Variants in FAAH2 observed in about 807,000 individuals in gnomAD.
FAAH2 encodes the protein fatty-acid amide hydrolase 2.
FAAH2 carries 60 observed loss-of-function variants against 36.9 expected under a neutral mutation model. The ratio of observed to expected loss-of-function variants is 1.63; its 90% confidence interval spans 1.32 to 2.02. FAAH2 has a LOEUF of 2.02. FAAH2 is among the 30% of genes most tolerant of loss of function. The pLI, the probability that FAAH2 is intolerant of heterozygous loss-of-function variation, is 0.00. For missense variants in FAAH2, 689 were observed against 397.5 expected, an observed-to-expected ratio of 1.73 and a Z score of -6.23; for synonymous variants, 214 against 143.8, an observed-to-expected ratio of 1.49 and a Z score of -3.49.
the FAAH2 span, among the ~76,000 whole-genome samples, chrX:57,192,917 A>T: frequency 9.0e-6 from 1 of 111,529 alleles, no homozygotes; most frequent in African/African-American, 3.3e-5. Flanking sequence ...GCTGAGGAGG[A>T]TGTATGTCAC....
intron 8 of FAAH2, among the ~76,000 whole-genome samples, chrX:57,443,684 G>T (rs2056612533): frequency 8.9e-6 from 1 of 111,911 alleles, no homozygotes; most frequent in Non-Finnish European, 1.9e-5. Flanking sequence ...GAGGAGAAGA[G>T]GTGCTCTGAT....
intron 5 of FAAH2, among the ~76,000 whole-genome samples, chrX:57,355,590 AT>A (rs1307569262): frequency 9.1e-6 from 1 of 109,850 alleles, no homozygotes; most frequent in African/African-American, 3.3e-5. Flanking sequence ...TCATTTTCAG[AT>A]TGTTCATTAT....
chrX:57,355,124 C>T (rs768706581), intron 5 of FAAH2, among the ~76,000 whole-genome samples: 49 of 110,762 alleles, frequency 4.4e-4, no homozygotes, highest in Non-Finnish European at 4.2e-4. Context: ...TTTTAAATAA[C>T]CTCCAGAGTC....
intron 7 of FAAH2, among the ~76,000 whole-genome samples, chrX:57,419,709 G>A (rs1286357368): frequency 1.8e-5 from 2 of 111,834 alleles, no homozygotes; most frequent in African/African-American, 6.5e-5. Context: ...CTGTGCAGAA[G>A]CTCTTGAGTT....
At chrX:57,450,729 C>A (rs1023860929) in intron 10 of FAAH2, among the ~76,000 whole-genome samples, 5 of 110,825 alleles carry the variant, frequency 4.5e-5, no homozygotes, top group African/African-American at 1.6e-4. Flanking sequence ...AATTTTTGAG[C>A]CTTGGCTTTC....
chrX:57,419,413 A>G (rs1285246451), intron 7 of FAAH2, among the ~76,000 whole-genome samples: 3 of 111,519 alleles, frequency 2.7e-5, no homozygotes, highest in East Asian at 5.7e-4. Flanking sequence ...TGCCATTCTA[A>G]GTGGTGTGAG....
chrX:57,328,373 G>T (rs2053288019), intron 3 of FAAH2, among the ~76,000 whole-genome samples: 1 of 111,446 alleles, frequency 9.0e-6, no homozygotes, highest in African/African-American at 3.3e-5. Context: ...ATTTTTTCAT[G>T]AAATTTTTAT....
In FAAH2 at chrX:57,489,054, C is replaced by T. The variant is rs1474574294; in HGVS notation, c.*122C>T. 2 of 703,686 alleles carry T rather than the reference C, an allele frequency of 2.8e-6. No individual in the cohort carries two copies. Among genetic ancestry groups the T allele is most frequent in the Non-Finnish European group, 4.0e-6 (2 of 500,214 alleles). 58.0% of individuals were successfully genotyped at this position (703,686 alleles called of 1,213,427 possible). On this transcript the variant is annotated 3_prime_UTR_variant, in exon 11 of 11. Transcript: ENST00000374900. ...GAAACAACTGGGGAATTTATTGACT[C>T]ATTTAGTTATTCTTTCTACTTTTAT... is the stretch of plus-strand genomic sequence containing the variant.
intron 7 of FAAH2, among the ~76,000 whole-genome samples, chrX:57,418,805 G>A (rs1259595405): frequency 2.8e-5 from 3 of 107,626 alleles, no homozygotes; most frequent in African/African-American, 1.0e-4. Context: ...GTGCCATGCC[G>A]GTGTGCTGCA....
chrX:57,338,063 T>G (rs2053597919), intron 4 of FAAH2, among the ~76,000 whole-genome samples: 1 of 111,913 alleles, frequency 8.9e-6, no homozygotes, highest in Non-Finnish European at 1.9e-5. Flanking sequence ...AAGTCTCAGT[T>G]TCATGAACGT....
intron 2 of FAAH2, among the ~76,000 whole-genome samples, chrX:57,294,553 C>G: frequency 8.9e-6 from 1 of 112,058 alleles, no homozygotes; most frequent in Non-Finnish European, 1.9e-5. Flanking sequence ...GTTTTACTGG[C>G]TCTTCTTCTT....
chrX:57,285,415 A>G (rs1412357005), upstream of FAAH2, among the ~76,000 whole-genome samples: 1 of 112,351 alleles, frequency 8.9e-6, no homozygotes, highest in Non-Finnish European at 1.9e-5. Flanking sequence ...CAATACAAAG[A>G]GGAATTAGAA....
At chrX:57,177,191 G>A in the FAAH2 span, among the ~76,000 whole-genome samples, 4 of 110,278 alleles carry the variant, frequency 3.6e-5, no homozygotes, top group East Asian at 2.9e-4. Context: ...AGTGAAATGC[G>A]CTGATATCTT....
chrX:57,355,402 A>T (rs188943165), intron 5 of FAAH2, among the ~76,000 whole-genome samples: 55 of 111,288 alleles, frequency 4.9e-4, no homozygotes, highest in African/African-American at 1.5e-3. Flanking sequence ...TGAGAATAAA[A>T]CACATTTCTA....
the FAAH2 span, among the ~76,000 whole-genome samples, chrX:57,170,880 T>A: frequency 1.7e-3 from 190 of 109,910 alleles, 1 homozygote; most frequent in East Asian, 3.1e-3. Flanking sequence ...ATTTTTTTTT[T>A]TATATTTTTA....
chrX:57,187,006 A>G, the FAAH2 span, among the ~76,000 whole-genome samples: 6 of 111,686 alleles, frequency 5.4e-5, no homozygotes, highest in African/African-American at 2.0e-4. Context: ...TGATGCCTCC[A>G]GCTTTGATTT....
In FAAH2 at chrX:57,391,354, C is replaced by G. The variant is rs181090499; in HGVS notation, c.996+10325C>G. 8.6e-3 allele frequency among the ~76,000 whole-genome samples: 961 copies of G among 111,304 alleles called. 9 individuals carry two copies. The highest frequency in any genetic ancestry group is 0.013 in the Non-Finnish European group (704 of 52,947). The stretch of plus-strand genomic sequence containing the variant: ...CATTTGTGTACTTTTGTTTTCGTTG[C>G]ATTTGCTTTTGAGGTCTTAGTCATA... On this transcript the variant is annotated intron_variant, in intron 7 of 10. Transcript: ENST00000374900.
the FAAH2 span, among the ~76,000 whole-genome samples, chrX:57,153,951 G>T: frequency 3.6e-5 from 4 of 112,267 alleles, no homozygotes; most frequent in Non-Finnish European, 5.6e-5. Flanking sequence ...CCCCAAATAT[G>T]TTTTCCAAAC....
rs759578574 is a variant in FAAH2, at chrX:57,299,869, G to T, written c.275+7289G>T. ...CTCCCATTCACAATTGCTTCAAAGAGAATAAAATACCTAGGAGTCCAACTT... is the reference window on the plus strand; with the variant it reads ...CTCCCATTCACAATTGCTTCAAAGATAATAAAATACCTAGGAGTCCAACTT... On this transcript the variant is annotated intron_variant, in intron 2 of 10. Transcript: ENST00000374900. 5.3e-4 allele frequency among the ~76,000 whole-genome samples: 59 copies of T among 111,383 alleles called. No homozygotes were observed. In the East Asian group the frequency reaches 0.013, roughly 25 times the overall value.
Sources: allele counts gnomAD v4.1 joint callset (sites outside exome capture counted in the v4.1 genomes callset), GRCh38; gene constraint gnomAD v4.1.1; transcripts MANE v1.5; gene names NCBI Gene and HGNC (gene_info 2026-07-23, HGNC 2026-07-21).